Variants in EMILIN2 observed in about 807,000 individuals in gnomAD.
EMILIN2 encodes the protein elastin microfibril interfacer 2, also known as EMILIN-2.
A neutral mutation model predicts 87.1 loss-of-function variants in EMILIN2; 71 were observed. The observed-to-expected ratio is 0.82, with a 90% CI of 0.67 to 0.99. EMILIN2 has a LOEUF of 0.99. Ranked by LOEUF, EMILIN2 falls within the 50% of genes least tolerant of loss-of-function variation. The probability of loss-of-function intolerance (pLI) is 0.00; values close to 1 mark genes in which losing one functional copy is unlikely to be tolerated. For missense variants in EMILIN2, 1,407 were observed against 1,371.8 expected (o/e 1.03, Z -0.40); for synonymous variants, 581 against 563.4 (o/e 1.03, Z -0.44).
chr18:2,908,851 A>C, intron 5 of EMILIN2, 92 bp from the exon 6 acceptor site: 1 of 1,481,074 alleles, frequency 6.8e-7, no homozygotes, highest in South Asian at 1.1e-5. Context: ...ACTCGATTTG[A>C]ACTTGTGAGG....
intron 7 of EMILIN2, 106 bp downstream of exon 7, chr18:2,909,925 AG>A (rs1422308709): frequency 1.7e-5 from 25 of 1,488,212 alleles, no homozygotes; most frequent in Non-Finnish European, 2.2e-5. Context: ...GGGCTCAGGG[AG>A]GACGCCACCC....
At position 2,913,651 on chromosome 18, in the gene EMILIN2, AAAGGCCT is replaced by A; in HGVS notation, c.*248_*254del. On this transcript the variant is annotated 3_prime_UTR_variant, in exon 8 of 8. Transcript: ENST00000254528. ...CTAACTGGACAACTGGAAGACTTGG[AAAGGCCT>A]CCACCTGTATCTACACTCTGAGGGC... 2.6e-6 allele frequency: 1 copy of A among 384,912 alleles called. No individual in the cohort carries two copies. 23.8% of individuals were successfully genotyped at this position (384,912 alleles called of 1,614,324 possible).
At chr18:2,873,053 AAAAAAAAAC>A (rs1403272052) in intron 2 of EMILIN2, among the ~76,000 whole-genome samples, 3 of 142,242 alleles carry the variant, frequency 2.1e-5, no homozygotes, top group Non-Finnish European at 3.0e-5. Flanking sequence ...GTGATTTAAA[AAAAAAAAAC>A]AAAACCAAAA....
In EMILIN2 at chr18:2,847,072, G is replaced by A. The variant is rs1283614639; in HGVS notation, c.-117G>A. 17 of 1,079,698 alleles carry A rather than the reference G, an allele frequency of 1.6e-5. No homozygotes were observed. The South Asian group carries it at 3.5e-4, about 22-fold the overall frequency. The allele number at this position is 1,079,698 out of a possible 1,614,324, so 66.9% of individuals were successfully genotyped here. A position where few individuals can be genotyped will look rare whatever the true frequency, so the allele number is the denominator to read the frequency against. On this transcript the variant is annotated 5_prime_UTR_variant, in exon 1 of 8. Transcript: ENST00000254528. The surrounding 1 kb of genome is among the most constrained non-coding windows in gnomAD (Gnocchi z 4.5). ...GGAGCACTGGTTGGAGCGCCGCGAA[G>A]CGCCCGAGCCTCTTGCCTTCGCGGG...
chr18:2,897,707 T>G (rs1304934357), intron 4 of EMILIN2, among the ~76,000 whole-genome samples: 2 of 151,988 alleles, frequency 1.3e-5, no homozygotes, highest in African/African-American at 4.8e-5. Context: ...CTGTACAAAT[T>G]AAACATTAGC....
chr18:2,847,111 G>A lies in EMILIN2; in HGVS notation c.-78G>A. 3 of 1,072,418 alleles carry A rather than the reference G, an allele frequency of 2.8e-6. No individual in the cohort carries two copies. Among genetic ancestry groups the A allele is most frequent in the South Asian group, 2.6e-5 (1 of 38,902 alleles). 66.4% of individuals were successfully genotyped at this position (1,072,418 alleles called of 1,614,324 possible). On this transcript the variant is annotated 5_prime_UTR_variant, in exon 1 of 8. Transcript: ENST00000254528. This position sits in a 1 kb window ranked among gnomAD's most constrained non-coding sequence, Gnocchi z 4.5. Reference sequence around the variant, plus strand: ...TGCCTTCGCGGGCGGCGCCCTGGCCGCCGGCAGCCTTGTGGCCGGTGCCCC... The same window carrying A: ...TGCCTTCGCGGGCGGCGCCCTGGCCACCGGCAGCCTTGTGGCCGGTGCCCC...
At chr18:2,901,530 A>G (rs964703850) in intron 4 of EMILIN2, among the ~76,000 whole-genome samples, 1 of 152,222 alleles carries the variant, frequency 6.6e-6, no homozygotes, top group Non-Finnish European at 1.5e-5. Flanking sequence ...TAATCCCTAC[A>G]CGTCAGGTTC....
intron 4 of EMILIN2, among the ~76,000 whole-genome samples, chr18:2,899,629 C>T (rs889638281): frequency 3.9e-5 from 6 of 151,962 alleles, no homozygotes; most frequent in Admixed American, 2.0e-4. Context: ...CTCAGCCACC[C>T]GAATAGCTGG....
intron 2 of EMILIN2, among the ~76,000 whole-genome samples, chr18:2,856,540 A>G (rs182077758): frequency 2.0e-5 from 3 of 152,302 alleles, no homozygotes; most frequent in Admixed American, 6.5e-5. Context: ...TGTGCCTAAT[A>G]TTGTTGTTAC....
chr18:2,905,048 C>T (rs1293860473), intron 4 of EMILIN2, among the ~76,000 whole-genome samples: 3 of 152,162 alleles, frequency 2.0e-5, no homozygotes, highest in Non-Finnish European at 4.4e-5. Context: ...CTCAGTTTCT[C>T]TGTCTAACCC....
chr18:2,860,191 C>T (rs1210865212), intron 2 of EMILIN2, among the ~76,000 whole-genome samples: 4 of 152,080 alleles, frequency 2.6e-5, no homozygotes, highest in African/African-American at 9.7e-5. Flanking sequence ...TGATTCTACC[C>T]ATCCATGAAC....
At chr18:2,912,593 G>A (rs187574845) in intron 7 of EMILIN2, among the ~76,000 whole-genome samples, 44 of 152,272 alleles carry the variant, frequency 2.9e-4, no homozygotes, top group African/African-American at 8.9e-4. Flanking sequence ...GGCCCAGAAC[G>A]TGTGGGTCAT....
Position 2,913,736 on chromosome 18 carries a change from A to C in EMILIN2, c.*332A>C. 1 of 264,338 alleles carries C rather than the reference A, an allele frequency of 3.8e-6. No homozygotes were observed. The highest frequency in any genetic ancestry group is 7.2e-6 in the Non-Finnish European group (1 of 138,394). The allele number at this position is 264,338 out of a possible 1,614,324, so 16.4% of individuals were successfully genotyped here. ...AGGCTCCGTCTGACTGTGGGCTGGG[A>C]GGAGGGAGGCAGGGGAGAGCCGGTC... On this transcript the variant is annotated 3_prime_UTR_variant, in exon 8 of 8. Coordinates refer to ENST00000254528, the MANE Select transcript of EMILIN2 (RefSeq NM_032048.3).
At chr18:2,861,899 T>G (rs964519682) in intron 2 of EMILIN2, among the ~76,000 whole-genome samples, 1 of 152,214 alleles carries the variant, frequency 6.6e-6, no homozygotes, top group Non-Finnish European at 1.5e-5. Context: ...TGTATCCTCT[T>G]TTATTTCATT....
chr18:2,846,994 G>A, upstream of EMILIN2: 3 of 1,023,354 alleles, frequency 2.9e-6, no homozygotes, highest in Non-Finnish European at 2.3e-6. The surrounding 1 kb of genome is among the most constrained non-coding windows in gnomAD (Gnocchi z 5.3). Flanking sequence ...AGCGCAGGGC[G>A]CACGGGGCTG....
chr18:2,847,211 G>C lies in EMILIN2; in HGVS notation c.23G>C (p.Trp8Ser). The change falls in exon 1 of 8, where the codon TGG becomes TCG. Residue 8 changes from tryptophan to serine, a missense_variant. Physicochemically the swap from Trp to Ser is radical, Grantham distance 177 (BLOSUM62 -3). Transcript: ENST00000254528. This position sits in a 1 kb window ranked among gnomAD's most constrained non-coding sequence, Gnocchi z 4.5. The stretch of plus-strand genomic sequence containing the variant: ...GGGATGTGGCAGCCCAGACGGCCCT[G>C]GCCCCGCGTGCCCTGGCGCTGGGCG... MWQPRRP[W>S]PRVPWRWALA... is the part of the protein sequence containing the mutation. 1 of 1,236,604 alleles carries C rather than the reference G, an allele frequency of 8.1e-7. No individual in the cohort carries two copies. The highest frequency in any genetic ancestry group is 1.0e-6 in the Non-Finnish European group (1 of 989,904). The allele number at this position is 1,236,604 out of a possible 1,614,324, so 76.6% of individuals were successfully genotyped here.
chr18:2,869,183 AAT>A (rs980109006), intron 2 of EMILIN2, among the ~76,000 whole-genome samples: 27 of 152,280 alleles, frequency 1.8e-4, no homozygotes, highest in African/African-American at 6.3e-4. Flanking sequence ...ATGTAATTGA[AAT>A]ATGTTATTGC....
intron 2 of EMILIN2, among the ~76,000 whole-genome samples, chr18:2,860,615 A>G (rs1288796780): frequency 1.3e-5 from 2 of 152,034 alleles, no homozygotes; most frequent in Admixed American, 6.6e-5. Context: ...TATGTTCCAC[A>G]TTTTCTTAAT....
intron 2 of EMILIN2, among the ~76,000 whole-genome samples, chr18:2,873,515 G>A (rs533552377): frequency 1.4e-4 from 22 of 152,056 alleles, no homozygotes; most frequent in African/African-American, 5.1e-4. Context: ...AGACCATCCT[G>A]GCTAACACGG....
Sources: gnomAD v4.1 joint callset for allele counts (sites outside exome capture counted in the v4.1 genomes callset) on GRCh38, gnomAD v4.1.1 for gene constraint, Gnocchi (gnomAD v3.1) non-coding constraint, MANE v1.5 for transcripts, NCBI Gene and HGNC (gene_info 2026-07-23, HGNC 2026-07-21) for gene names.